RTN1: variants seen among roughly 807,000 people sequenced by gnomAD.
RTN1 encodes the protein reticulon-1.
A neutral mutation model predicts 65.5 loss-of-function variants in RTN1; 25 were observed. That is an observed-to-expected ratio of 0.38 (90% CI 0.28 to 0.53). The LOEUF (loss-of-function observed/expected upper bound fraction) is 0.53, where lower values mean the gene tolerates loss of function less well. Ranked by LOEUF, RTN1 falls within the 20% of genes least tolerant of loss-of-function variation. The probability of loss-of-function intolerance (pLI) is 0.79; values close to 1 mark genes in which losing one functional copy is unlikely to be tolerated. For missense variants in RTN1, 983 were observed against 1,025.4 expected (o/e 0.96, Z 0.57); for synonymous variants, 471 against 447.6 (o/e 1.05, Z -0.66).
rs1472723097 is a variant in RTN1, at chr14:59,628,227, AG to A, written c.1766-20736del. On this transcript the variant is annotated intron_variant, in intron 3 of 8. Coordinates refer to ENST00000267484, the MANE Select transcript of RTN1 (RefSeq NM_021136.3). ...CCCTGGTTACATATTAAACTCACCTAGGGAGCTTTTCAAAAAATACTGATGC... is the reference window on the plus strand; with the variant it reads ...CCCTGGTTACATATTAAACTCACCTAGGAGCTTTTCAAAAAATACTGATGC... Among the ~76,000 whole-genome samples, 26 of 152,324 alleles carry A rather than the reference AG, an allele frequency of 1.7e-4. No homozygotes were observed. In the East Asian group the frequency reaches 5.0e-3, roughly 29 times the overall value.
intron 3 of RTN1, among the ~76,000 whole-genome samples, chr14:59,705,211 C>A (rs531580808): frequency 1.3e-5 from 2 of 152,150 alleles, no homozygotes; most frequent in African/African-American, 2.4e-5. Context: ...GAAGTCTATG[C>A]GTACTTAGGA....
At chr14:59,691,893 G>A (rs1449058515) in intron 3 of RTN1, among the ~76,000 whole-genome samples, 1 of 152,018 alleles carries the variant, frequency 6.6e-6, no homozygotes, top group African/African-American at 2.4e-5. Context: ...ATTGCTTTAT[G>A]ATAAAAACTC....
At chr14:59,787,261 C>T (rs1053532048) in intron 1 of RTN1, among the ~76,000 whole-genome samples, 2 of 152,130 alleles carry the variant, frequency 1.3e-5, no homozygotes, top group African/African-American at 4.8e-5. Context: ...GTCAAAAGCC[C>T]TCCTGCTGCG....
At chr14:59,797,286 A>C (rs1270814872) in intron 1 of RTN1, among the ~76,000 whole-genome samples, 1 of 152,142 alleles carries the variant, frequency 6.6e-6, no homozygotes, top group Non-Finnish European at 1.5e-5. Flanking sequence ...ATATGGGAAA[A>C]ATTCCTTTGT....
At chr14:59,654,042 A>G (rs1212584385) in intron 3 of RTN1, among the ~76,000 whole-genome samples, 1 of 152,108 alleles carries the variant, frequency 6.6e-6, no homozygotes, top group Non-Finnish European at 1.5e-5. Context: ...TCCCACTAAG[A>G]AAAACTCAGT....
intron 3 of RTN1, among the ~76,000 whole-genome samples, chr14:59,641,419 G>A (rs936637852): frequency 2.0e-5 from 3 of 151,980 alleles, no homozygotes; most frequent in African/African-American, 4.8e-5. Flanking sequence ...ACCCAGGCTG[G>A]AGTGCAGTGG....
At chr14:59,705,498 C>T (rs967208976) in intron 3 of RTN1, among the ~76,000 whole-genome samples, 1 of 152,184 alleles carries the variant, frequency 6.6e-6, no homozygotes, top group African/African-American at 2.4e-5. Context: ...TGCCTCACGT[C>T]CCAGTAAGCC....
At chr14:59,755,527 G>A (rs1234698380) in intron 1 of RTN1, among the ~76,000 whole-genome samples, 2 of 151,768 alleles carry the variant, frequency 1.3e-5, no homozygotes, top group East Asian at 3.8e-4. Context: ...GCAGCAGCCT[G>A]CACAGAGGTT....
At chr14:59,841,259 G>C (rs930114868) in intron 1 of RTN1, among the ~76,000 whole-genome samples, 2 of 152,104 alleles carry the variant, frequency 1.3e-5, no homozygotes, top group Non-Finnish European at 1.5e-5. Context: ...AAAGACAGAA[G>C]ATGCAAGTAA....
At chr14:59,702,021 A>G (rs1471583666) in intron 3 of RTN1, among the ~76,000 whole-genome samples, 1 of 152,210 alleles carries the variant, frequency 6.6e-6, no homozygotes, top group East Asian at 1.9e-4. Context: ...TACAAAAAAA[A>G]TTATATCCAG....
intron 1 of RTN1, among the ~76,000 whole-genome samples, chr14:59,864,407 A>G (rs1353511748): frequency 6.6e-6 from 1 of 152,172 alleles, no homozygotes; most frequent in African/African-American, 2.4e-5. Context: ...TGCTTTAAAG[A>G]TACCTTATCA....
At chr14:59,854,673 G>A (rs1887573059) in intron 1 of RTN1, among the ~76,000 whole-genome samples, 1 of 147,730 alleles carries the variant, frequency 6.8e-6, no homozygotes, top group South Asian at 2.2e-4. Flanking sequence ...AATAGATGCT[G>A]CACAAGAAAA....
intron 3 of RTN1, among the ~76,000 whole-genome samples, chr14:59,666,628 T>C (rs113209708): frequency 0.058 from 8,836 of 151,568 alleles, 860 homozygotes; most frequent in African/African-American, 0.2. Flanking sequence ...CAGAAAACCC[T>C]TCAAAAAAAA....
At chr14:59,757,401 C>A (rs935612481) in intron 1 of RTN1, among the ~76,000 whole-genome samples, 1 of 152,096 alleles carries the variant, frequency 6.6e-6, no homozygotes, top group Non-Finnish European at 1.5e-5. Flanking sequence ...TGGGAAACCC[C>A]TTTTGCTTGG....
In RTN1 at chr14:59,825,010, G is replaced by T. The variant is rs576292756; in HGVS notation, c.241+45380C>A. On this transcript the variant is annotated intron_variant, in intron 1 of 8. Coordinates refer to ENST00000267484, the MANE Select transcript of RTN1 (RefSeq NM_021136.3). The surrounding 1 kb of genome is among the most constrained non-coding windows in gnomAD (Gnocchi z 4.2). ...GGGAGCGAGGAAATGGAGAGATGCT[G>T]GTCAAAGGGTAAAAACTTTCAGTTA... 6.6e-6 allele frequency among the ~76,000 whole-genome samples: 1 copy of T among 152,222 alleles called. No individual in the cohort carries two copies. The highest frequency in any genetic ancestry group is 2.4e-5 in the African/African-American group (1 of 41,532).
At chr14:59,678,988 T>C (rs1883687238) in intron 3 of RTN1, among the ~76,000 whole-genome samples, 1 of 152,206 alleles carries the variant, frequency 6.6e-6, no homozygotes, top group Non-Finnish European at 1.5e-5. Context: ...TGTTGGGTTC[T>C]TGAGTTCAAC....
rs149897999 is a variant in RTN1 at position 59,681,497 on chromosome 14, A to G, written c.1765+45422T>C. On this transcript the variant is annotated intron_variant, in intron 3 of 8. Transcript: ENST00000267484. ...AGTGTCATATCAATTCCATCCCCAA[A>G]CCACACACTGCAGTAGGCACTGGGA... Among the ~76,000 whole-genome samples the G allele has an allele frequency of 6.2e-3, 941 of 152,146 alleles. 11 individuals are homozygous for G. The highest frequency in any genetic ancestry group is 0.022 in the African/African-American group (901 of 41,508).
intron 1 of RTN1, among the ~76,000 whole-genome samples, chr14:59,841,450 C>A (rs1024814659): frequency 1.3e-5 from 2 of 152,288 alleles, no homozygotes; most frequent in Non-Finnish European, 2.9e-5. Flanking sequence ...AATCCTAGAA[C>A]TTTGGGAGGC....
At chr14:59,731,625 T>C (rs1884898357) in intron 2 of RTN1, among the ~76,000 whole-genome samples, 1 of 152,238 alleles carries the variant, frequency 6.6e-6, no homozygotes, top group Non-Finnish European at 1.5e-5. Flanking sequence ...TGAATTCTAC[T>C]GAATACATCA....
Sources: gnomAD v4.1 joint callset for allele counts (sites outside exome capture counted in the v4.1 genomes callset) on GRCh38, gnomAD v4.1.1 for gene constraint, Gnocchi (gnomAD v3.1) non-coding constraint, MANE v1.5 for transcripts, NCBI Gene and HGNC (gene_info 2026-07-23, HGNC 2026-07-21) for gene names.